Variants in NEGR1 observed in about 807,000 individuals in gnomAD.
NEGR1 encodes IgLON family member 4.
A neutral mutation model predicts 40.9 loss-of-function variants in NEGR1; 10 were observed. That is an observed-to-expected ratio of 0.24 (90% CI 0.15 to 0.42). The LOEUF (loss-of-function observed/expected upper bound fraction) is 0.42. Among genes scored for constraint, NEGR1 ranks in the 10% least tolerant of loss-of-function variants. The pLI, the probability that NEGR1 is intolerant of heterozygous loss-of-function variation, is 1.00. For missense variants in NEGR1, 352 were observed against 438.9 expected (o/e 0.80, Z 1.77); for synonymous variants, 185 against 166.8 (o/e 1.11, Z -0.84).
chr1:71,726,885 G>C lies in NEGR1; in HGVS notation c.536-28746C>G, dbSNP rs543429257. ...TCCACAGAAGAAAAAAAAATGCTAC[G>C]CATGTAAAAAATACATACCACTAAT... On this transcript the variant is annotated intron_variant, in intron 3 of 6. Transcript: ENST00000357731. Among the ~76,000 whole-genome samples the C allele has an allele frequency of 2.0e-5, 3 of 152,088 alleles. No individual in the cohort carries two copies. In the South Asian group the frequency reaches 6.2e-4, roughly 32 times the overall value.
chr1:71,575,778 G>A (rs1469577307), intron 6 of NEGR1, among the ~76,000 whole-genome samples: 5 of 147,744 alleles, frequency 3.4e-5, no homozygotes, highest in Admixed American at 6.8e-5. Flanking sequence ...GCGAGACTCC[G>A]GCTCAAAACA....
At chr1:71,624,910 T>C (rs1557591455) in intron 4 of NEGR1, among the ~76,000 whole-genome samples, 2 of 152,018 alleles carry the variant, frequency 1.3e-5, no homozygotes, top group African/African-American at 4.8e-5. Flanking sequence ...CCTCTCGCAT[T>C]GGAATGTACA....
intron 6 of NEGR1, among the ~76,000 whole-genome samples, chr1:71,558,165 G>A (rs533186673): frequency 1.3e-5 from 2 of 151,560 alleles, no homozygotes; most frequent in East Asian, 2.0e-4. Context: ...ACTGTAAAGT[G>A]ACTATTTTTC....
chr1:71,694,126 C>T (rs887271185), intron 4 of NEGR1, among the ~76,000 whole-genome samples: 1 of 151,456 alleles, frequency 6.6e-6, no homozygotes. Context: ...AACTATGAAC[C>T]TAGTGTCCAC....
intron 2 of NEGR1, among the ~76,000 whole-genome samples, chr1:71,871,464 T>C (rs568057235): frequency 2.1e-4 from 32 of 152,264 alleles, no homozygotes; most frequent in Non-Finnish European, 3.5e-4. Flanking sequence ...AAAAGAGTCA[T>C]TTCGAGCCAC....
At chr1:72,069,277 A>T (rs1289011445) in intron 1 of NEGR1, among the ~76,000 whole-genome samples, 5 of 151,752 alleles carry the variant, frequency 3.3e-5, no homozygotes, top group Non-Finnish European at 7.4e-5. Flanking sequence ...ACAAACAAAC[A>T]AACAAATAAA....
intron 6 of NEGR1, among the ~76,000 whole-genome samples, chr1:71,511,436 G>T (rs1647072595): frequency 6.6e-6 from 1 of 152,160 alleles, no homozygotes; most frequent in Non-Finnish European, 1.5e-5. Context: ...TTGCTATGAA[G>T]TATATACATT....
intron 6 of NEGR1, among the ~76,000 whole-genome samples, chr1:71,553,387 T>G (rs1648148986): frequency 6.6e-6 from 1 of 151,524 alleles, no homozygotes; most frequent in Non-Finnish European, 1.5e-5. Context: ...CTGTTTTCAT[T>G]TACACCTACT....
At chr1:71,448,254 G>A (rs1646597273) in intron 6 of NEGR1, among the ~76,000 whole-genome samples, 1 of 150,962 alleles carries the variant, frequency 6.6e-6, no homozygotes, top group East Asian at 1.9e-4. Flanking sequence ...AAGACACAGA[G>A]AGAGAGAGCA....
chr1:71,561,724 G>A (rs569307453), intron 6 of NEGR1, among the ~76,000 whole-genome samples: 2 of 151,792 alleles, frequency 1.3e-5, no homozygotes, highest in South Asian at 4.2e-4. Flanking sequence ...CAAGAGTCCT[G>A]TATGGCCAGA....
At chr1:71,847,853 CAT>C (rs768918736) in intron 2 of NEGR1, among the ~76,000 whole-genome samples, 20 of 152,154 alleles carry the variant, frequency 1.3e-4, no homozygotes, top group Middle Eastern at 3.2e-3. Context: ...GCGAGGAAGA[CAT>C]GTGGAAAGCC....
chr1:71,481,090 C>A (rs1280447883), intron 6 of NEGR1, among the ~76,000 whole-genome samples: 1 of 151,838 alleles, frequency 6.6e-6, no homozygotes, highest in Non-Finnish European at 1.5e-5. Flanking sequence ...TTTCATAACT[C>A]CATTATTAAG....
At chr1:71,966,383 A>C (rs545224240) in intron 1 of NEGR1, among the ~76,000 whole-genome samples, 1 of 152,326 alleles carries the variant, frequency 6.6e-6, no homozygotes, top group Admixed American at 6.5e-5. Flanking sequence ...TTTAAGTGTT[A>C]GAAATTTCAG....
chr1:72,190,875 T>C (rs1333377322), intron 1 of NEGR1, among the ~76,000 whole-genome samples: 1 of 151,636 alleles, frequency 6.6e-6, no homozygotes, highest in African/African-American at 2.4e-5. Context: ...ATAACATATA[T>C]ACTATGTAAT....
At chr1:71,715,955 G>C (rs533084129) in intron 3 of NEGR1, among the ~76,000 whole-genome samples, 1 of 151,930 alleles carries the variant, frequency 6.6e-6, no homozygotes, top group Non-Finnish European at 1.5e-5. Context: ...TACTCTCTGT[G>C]GTACCAATTT....
intron 2 of NEGR1, among the ~76,000 whole-genome samples, chr1:71,870,347 A>G (rs1660245699): frequency 6.6e-6 from 1 of 152,208 alleles, no homozygotes; most frequent in African/African-American, 2.4e-5. Flanking sequence ...TATCTAAGGA[A>G]TTAAAATAAT....
At chr1:71,537,923 T>C (rs1647560944) in intron 6 of NEGR1, among the ~76,000 whole-genome samples, 1 of 151,594 alleles carries the variant, frequency 6.6e-6, no homozygotes, top group African/African-American at 2.4e-5. Flanking sequence ...TTCTTATGGG[T>C]CTTATTATGT....
chr1:71,639,968 C>T (rs1406101409), intron 4 of NEGR1, among the ~76,000 whole-genome samples: 4 of 151,976 alleles, frequency 2.6e-5, no homozygotes, highest in African/African-American at 4.8e-5. Flanking sequence ...ATCCATGGAT[C>T]GAAGCAGAAC....
chr1:71,882,175 C>A (rs180679964), intron 2 of NEGR1, among the ~76,000 whole-genome samples: 144 of 152,186 alleles, frequency 9.5e-4, no homozygotes, highest in Middle Eastern at 3.4e-3. Context: ...AGACGCGAAA[C>A]TTGCTTTGTA....
Sources: allele counts gnomAD v4.1 joint callset (sites outside exome capture counted in the v4.1 genomes callset), GRCh38; gene constraint gnomAD v4.1.1; transcripts MANE v1.5; gene names NCBI Gene and HGNC (gene_info 2026-07-23, HGNC 2026-07-21).